Variants in MTUS2 observed in about 807,000 individuals in gnomAD.
MTUS2 encodes the protein microtubule associated scaffold protein 2.
MTUS2 carries 40 observed loss-of-function variants against 114.1 expected under a neutral mutation model. That is an observed-to-expected ratio of 0.35 (90% CI 0.27 to 0.46). The LOEUF (loss-of-function observed/expected upper bound fraction) is 0.46, where lower values mean the gene tolerates loss of function less well. Ranked by LOEUF, MTUS2 falls within the 20% of genes least tolerant of loss-of-function variation. The pLI, the probability that MTUS2 is intolerant of heterozygous loss-of-function variation, is 1.00. For synonymous variants in MTUS2, 688 were observed against 672.0 expected (o/e 1.02, Z -0.37); for missense variants, 1,679 against 1,705.4 (o/e 0.98, Z 0.27).
chr13:29,040,108 T>G lies in MTUS2; in HGVS notation c.2446+5983T>G, dbSNP rs572188572. On this transcript the variant is annotated intron_variant, in intron 4 of 15. Coordinates refer to ENST00000612955, the MANE Select transcript of MTUS2 (RefSeq NM_001033602.4). The stretch of plus-strand genomic sequence containing the variant: ...ACTGCACCTGATGTGTAATCTTTTA[T>G]CCCTCACTCACCTCCCACCCATTCC... Among the ~76,000 whole-genome samples, 10 of 152,344 alleles carry G rather than the reference T, an allele frequency of 6.6e-5. No homozygotes were observed. In the East Asian group the frequency reaches 1.9e-3, roughly 29 times the overall value.
chr13:29,389,440 T>C (rs1872994297), intron 8 of MTUS2, among the ~76,000 whole-genome samples: 1 of 30,188 alleles, frequency 3.3e-5, no homozygotes, highest in African/African-American at 7.9e-5. Context: ...CGTGTGTGTA[T>C]GTGTATGTAT....
At chr13:28,849,048 T>C (rs894144622) in intron 2 of MTUS2, among the ~76,000 whole-genome samples, 1 of 152,260 alleles carries the variant, frequency 6.6e-6, no homozygotes, top group Non-Finnish European at 1.5e-5. Context: ...ATCAGATGAA[T>C]AGTTTCGATG....
intron 1 of MTUS2, among the ~76,000 whole-genome samples, chr13:28,822,708 A>G (rs1873992159): frequency 9.0e-6 from 1 of 111,298 alleles, no homozygotes; most frequent in Non-Finnish European, 2.1e-5. Context: ...TTTTTTAAAT[A>G]AGGAGAGTAC....
chr13:29,052,787 C>G (rs929783155), intron 4 of MTUS2, among the ~76,000 whole-genome samples: 1 of 152,094 alleles, frequency 6.6e-6, no homozygotes, highest in African/African-American at 2.4e-5. Flanking sequence ...GGTGCTGTAT[C>G]CCCACCCAAA....
At chr13:29,107,400 GA>G (rs1346837228) in intron 5 of MTUS2, among the ~76,000 whole-genome samples, 2 of 152,090 alleles carry the variant, frequency 1.3e-5, no homozygotes, top group African/African-American at 4.8e-5. Flanking sequence ...TAAGGGTATG[GA>G]AAAAGATTTT....
At chr13:29,444,495 G>T (rs891678086) in intron 9 of MTUS2, among the ~76,000 whole-genome samples, 1 of 152,234 alleles carries the variant, frequency 6.6e-6, no homozygotes, top group African/African-American at 2.4e-5. Context: ...TGTGTTCACA[G>T]GCCTGATGCA....
At chr13:28,918,606 T>C (rs1432976004) in intron 2 of MTUS2, among the ~76,000 whole-genome samples, 6 of 151,972 alleles carry the variant, frequency 3.9e-5, no homozygotes, top group South Asian at 2.1e-4. Flanking sequence ...GATAATTGAT[T>C]CTTATTTTTC....
intron 11 of MTUS2, among the ~76,000 whole-genome samples, chr13:29,492,166 TATGTGATGTGTGTGGTAG>T (rs1882206171): frequency 7.7e-6 from 1 of 130,306 alleles, no homozygotes; most frequent in Non-Finnish European, 1.6e-5. Context: ...GTGTGGTGTG[TATGTGATGTGTGTGGTAG>T]GTGTGTATGT....
rs113860385 is a variant in MTUS2 at position 29,268,185 on chromosome 13, C to G, written c.2645-13519C>G. On this transcript the variant is annotated intron_variant, in intron 5 of 15. Transcript: ENST00000612955. ...CTGACAGGCCCCGGTGTGTGATAGG[C>G]ATCAGATTTAAGGAATGAATGAGTA... Among the ~76,000 whole-genome samples, 303 of 152,178 alleles carry G rather than the reference C, an allele frequency of 2.0e-3. 2 individuals are homozygous for G. The highest frequency in any genetic ancestry group is 6.8e-3 in the African/African-American group (284 of 41,512).
chr13:28,986,766 C>G (rs1273433374), intron 2 of MTUS2, among the ~76,000 whole-genome samples: 1 of 152,176 alleles, frequency 6.6e-6, no homozygotes, highest in Non-Finnish European at 1.5e-5. Context: ...CACTCCAGAG[C>G]TGTGCTATCC....
chr13:29,300,608 C>A (rs905713215), intron 6 of MTUS2, among the ~76,000 whole-genome samples: 1 of 151,508 alleles, frequency 6.6e-6, no homozygotes, highest in South Asian at 2.1e-4. Context: ...CTTTCCATTT[C>A]TTTTCAGACT....
intron 10 of MTUS2, chr13:29,484,868 CCTGT>C (rs1271250276): frequency 1.3e-5 from 2 of 152,256 alleles, no homozygotes; most frequent in Non-Finnish European, 2.9e-5. Context: ...TGTATTCTTA[CCTGT>C]CTGAGAGGGT....
chr13:29,010,885 A>G (rs541325947), intron 2 of MTUS2, among the ~76,000 whole-genome samples: 11 of 152,250 alleles, frequency 7.2e-5, no homozygotes, highest in African/African-American at 2.2e-4. Context: ...GTGGAGGACT[A>G]TGTGGGCTGC....
chr13:29,350,986 T>TATATATATATATATAGATATATA (rs1369324838), intron 7 of MTUS2, among the ~76,000 whole-genome samples: 1 of 142,900 alleles, frequency 7.0e-6, no homozygotes, highest in Non-Finnish European at 1.5e-5. Context: ...TATATATATC[T>TATATATATATATATAGATATATA]TCAGAGGACA....
chr13:29,320,271 G>C (rs888133556), intron 6 of MTUS2, among the ~76,000 whole-genome samples: 1 of 152,122 alleles, frequency 6.6e-6, no homozygotes, highest in Non-Finnish European at 1.5e-5. Context: ...CACGAGAGGC[G>C]AACAAGGCAA....
At chr13:28,845,506 T>C (rs577027979) in intron 2 of MTUS2, among the ~76,000 whole-genome samples, 1 of 152,314 alleles carries the variant, frequency 6.6e-6, no homozygotes, top group Admixed American at 6.5e-5. Flanking sequence ...GCTTATTCTT[T>C]CAGCAGCACA....
Position 29,127,331 on chromosome 13 carries a change from G to A in MTUS2, c.2644+26361G>A, listed in dbSNP as rs556935476. ...CAGTTATTCACTGGACACTCATTTA[G>A]GCCAGAGTACCCACTTATTCACTTG... is the stretch of plus-strand genomic sequence containing the variant. On this transcript the variant is annotated intron_variant, in intron 5 of 15. Transcript: ENST00000612955. Among the ~76,000 whole-genome samples, 4 of 152,302 alleles carry A rather than the reference G, an allele frequency of 2.6e-5. No homozygotes were observed. The East Asian group carries it at 7.7e-4, about 29-fold the overall frequency.
At chr13:28,980,045 G>C (rs950205075) in intron 2 of MTUS2, among the ~76,000 whole-genome samples, 1 of 152,082 alleles carries the variant, frequency 6.6e-6, no homozygotes, top group African/African-American at 2.4e-5. Context: ...CTTATGCTTA[G>C]GCCAACTACA....
intron 7 of MTUS2, among the ~76,000 whole-genome samples, chr13:29,357,196 G>C (rs999908068): frequency 6.7e-6 from 1 of 149,440 alleles, no homozygotes; most frequent in Non-Finnish European, 1.5e-5. Flanking sequence ...TGATGATGAT[G>C]ATATTATTAT....
Sources: allele counts gnomAD v4.1 joint callset (sites outside exome capture counted in the v4.1 genomes callset), GRCh38; gene constraint gnomAD v4.1.1; transcripts MANE v1.5; gene names NCBI Gene and HGNC (gene_info 2026-07-23, HGNC 2026-07-21).